The following ADAMTS5 variants were observed in gnomAD, a reference collection of about 807,000 sequenced individuals.
ADAMTS5 encodes A disintegrin and metalloproteinase with thrombospondin motifs 5.
In ADAMTS5, 54 loss-of-function variants were observed where a neutral mutation model predicts 81.4. The ratio of observed to expected loss-of-function variants is 0.66; its 90% confidence interval spans 0.53 to 0.83. ADAMTS5 has a LOEUF of 0.83. Among genes scored for constraint, ADAMTS5 ranks in the 40% least tolerant of loss-of-function variants. The pLI, the probability that ADAMTS5 is intolerant of heterozygous loss-of-function variation, is 0.00. For synonymous variants in ADAMTS5, 532 were observed against 508.8 expected, an observed-to-expected ratio of 1.05 and a Z score of -0.61; for missense variants, 1,194 against 1,229.9, an observed-to-expected ratio of 0.97 and a Z score of 0.44.
chr21:26,924,609 G>C lies in ADAMTS5; in HGVS notation c.2237C>G (p.Thr746Ser). The C allele has an allele frequency of 6.2e-7, 1 of 1,610,416 alleles. No homozygotes were observed. Among genetic ancestry groups the C allele is most frequent in the Non-Finnish European group, 8.5e-7 (1 of 1,177,936 alleles). Residue 746 changes from threonine (T) to serine (S), a missense_variant, in exon 8 of 8, where the codon ACT becomes AGT. Physicochemically the swap from Thr to Ser is moderately conservative, Grantham distance 58 (BLOSUM62 1). This residue lies in a region of ADAMTS5 where 696 missense variants were observed against 817.6 expected (regional missense o/e 0.85). Transcript: ENST00000284987. ...CCCTTCAGGAATCCTCACCACGTCA[G>C]TGTAACCCTTACTGGAAGTAGGAAT... ...GTFNKKSKGY[T>S]DVVRIPEGAT...
At chr21:26,933,963 G>T (rs2123175209) in intron 4 of ADAMTS5, among the ~76,000 whole-genome samples, 1 of 152,236 alleles carries the variant, frequency 6.6e-6, no homozygotes, top group South Asian at 2.1e-4. Flanking sequence ...TGTATATAGT[G>T]GCAGACGTGT....
At chr21:26,942,189 TG>T (rs1047904929) in intron 3 of ADAMTS5, among the ~76,000 whole-genome samples, 18 of 152,234 alleles carry the variant, frequency 1.2e-4, no homozygotes, top group African/African-American at 4.3e-4. Context: ...TTTGACTCCA[TG>T]GTATCAGAGA....
rs764577617 is a variant in ADAMTS5 at position 26,924,441 on chromosome 21, T to C, written c.2405A>G (p.Asn802Ser). The change falls in exon 8 of 8, where the codon AAT becomes AGT. Residue 802 changes from asparagine to serine, a missense_variant. This residue lies in a region of ADAMTS5 where 696 missense variants were observed against 817.6 expected (regional missense o/e 0.85). Coordinates refer to ENST00000284987, the MANE Select transcript of ADAMTS5 (RefSeq NM_007038.5). ...ISTSETIIDINGTVMNYSGWS... is the reference protein window; with the variant it reads ...ISTSETIIDISGTVMNYSGWS... ...ACCGCTATAGTTCATGACTGTTCCATTGATGTCAATGATAGTCTCTGAAGT... is the reference window on the plus strand; with the variant it reads ...ACCGCTATAGTTCATGACTGTTCCACTGATGTCAATGATAGTCTCTGAAGT... 3 of 1,614,200 alleles carry C rather than the reference T, an allele frequency of 1.9e-6. No homozygotes were observed. Among genetic ancestry groups the C allele is most frequent in the Non-Finnish European group, 1.7e-6 (2 of 1,180,022 alleles).
intron 6 of ADAMTS5, among the ~76,000 whole-genome samples, chr21:26,931,022 T>C (rs1462041992): frequency 6.6e-6 from 1 of 152,166 alleles, no homozygotes; most frequent in Non-Finnish European, 1.5e-5. Context: ...CAATAACATA[T>C]TATAAATATC....
chr21:26,963,180 C>A (rs901616432), intron 1 of ADAMTS5, among the ~76,000 whole-genome samples: 1 of 151,752 alleles, frequency 6.6e-6, no homozygotes, highest in Non-Finnish European at 1.5e-5. Flanking sequence ...AAATGCATGT[C>A]CTTATAATAC....
Position 26,919,602 on chromosome 21 carries a change from C to T in ADAMTS5, c.*4451G>A, listed in dbSNP as rs1268565703. The T allele has an allele frequency of 6.6e-6, 1 of 151,940 alleles. No homozygotes were observed. Among genetic ancestry groups the T allele is most frequent in the African/African-American group, 2.4e-5 (1 of 41,378 alleles). 9.4% of individuals were successfully genotyped at this position (151,940 alleles called of 1,614,324 possible). A position where few individuals can be genotyped will look rare whatever the true frequency, so the allele number is the denominator to read the frequency against. On this transcript the variant is annotated 3_prime_UTR_variant, in exon 8 of 8. Transcript: ENST00000284987. ...ACTGAATGTTTTGCTGATCTGAACA[C>T]TACCTGTATTCCAATTTTTTGGCTA... is the stretch of plus-strand genomic sequence containing the variant.
intron 2 of ADAMTS5, among the ~76,000 whole-genome samples, chr21:26,944,266 A>G (rs1955574335): frequency 1.3e-5 from 2 of 152,188 alleles, no homozygotes; most frequent in African/African-American, 4.8e-5. Context: ...TCAAAATACC[A>G]ATAATATGGA....
At position 26,965,597 on chromosome 21, in the gene ADAMTS5, C is replaced by A; in HGVS notation, c.795G>T (p.Arg265=). ...WWRRRRRSIS[R]ARQVELLLVA... ...CCAGAAGCAGCTCCACCTGGCGGGC[C>A]CGGGAGATGGAGCGGCGCCGCCGCC... Residue 265 remains arginine (R), a synonymous_variant, in exon 1 of 8, where the codon CGG becomes CGT. Coordinates refer to ENST00000284987, the MANE Select transcript of ADAMTS5 (RefSeq NM_007038.5). The A allele has an allele frequency of 6.2e-7, 1 of 1,603,930 alleles. No homozygotes were observed. The highest frequency in any genetic ancestry group is 8.5e-7 in the Non-Finnish European group (1 of 1,175,540).
chr21:26,948,754 T>C (rs1330917781), intron 2 of ADAMTS5, among the ~76,000 whole-genome samples: 1 of 152,228 alleles, frequency 6.6e-6, no homozygotes, highest in African/African-American at 2.4e-5. Flanking sequence ...GCTGTGTCAA[T>C]ATCCTTTTGA....
In ADAMTS5 at chr21:26,924,438, C is replaced by T; in HGVS notation, c.2408G>A (p.Gly803Glu). 1.2e-6 allele frequency: 2 copies of T among 1,614,166 alleles called. No individual in the cohort carries two copies. Among genetic ancestry groups the T allele is most frequent in the Non-Finnish European group, 1.7e-6 (2 of 1,180,028 alleles). ...CCAACCGCTATAGTTCATGACTGTT[C>T]CATTGATGTCAATGATAGTCTCTGA... Reference protein sequence around the residue: ...STSETIIDINGTVMNYSGWSH... With the variant: ...STSETIIDINETVMNYSGWSH... The change falls in exon 8 of 8, where the codon GGA (glycine) becomes GAA (glutamate). Residue 803 changes from glycine to glutamate, a missense_variant. By Grantham distance (98) the Gly-to-Glu change is moderately conservative. Transcript: ENST00000284987.
chr21:26,966,231 C>G lies in ADAMTS5; in HGVS notation c.161G>C (p.Arg54Pro). The stretch of plus-strand genomic sequence containing the variant: ...GTGCGGGTGGCCGGGAGGCTCGGCT[C>G]GCTCCTGCACCTCCTCCCCCTGCCG... ...RRRQGEEVQE[R>P]AEPPGHPHPL... Residue 54 changes from arginine (R) to proline (P), a missense_variant, in exon 1 of 8, where the codon CGA becomes CCA. By Grantham distance (103) the Arg-to-Pro change is moderately radical. Around this residue, in one of 2 missense-constraint regions of ADAMTS5, gnomAD observed 498 missense variants for 412.3 expected, o/e 1.21. Transcript: ENST00000284987. 10 of 1,599,380 alleles carry G rather than the reference C, an allele frequency of 6.3e-6. No homozygotes were observed. Among genetic ancestry groups the G allele is most frequent in the Middle Eastern group, 1.7e-4 (1 of 5,958 alleles).
At chr21:26,935,320 C>T (rs139877547) in intron 3 of ADAMTS5, among the ~76,000 whole-genome samples, 1,897 of 152,242 alleles carry the variant, frequency 0.012, 111 homozygotes, top group Admixed American at 0.097. Context: ...AGCATTTGTT[C>T]AGCACCTACA....
chr21:26,965,372 G>T lies in ADAMTS5; in HGVS notation c.1020C>A (p.Asn340Lys). Residue 340 changes from asparagine to lysine, a missense_variant, in exon 1 of 8, where the codon AAC (asparagine) becomes AAA (lysine). Physicochemically the swap from Asn to Lys is moderately conservative, Grantham distance 94. Around this residue, in one of 2 missense-constraint regions of ADAMTS5, gnomAD observed 696 missense variants for 817.6 expected, o/e 0.85. Coordinates refer to ENST00000284987, the MANE Select transcript of ADAMTS5 (RefSeq NM_007038.5). ...VSKNAATTLK[N>K]FCKWQHQHNQ... ...TGTGTTGGTGCTGCCACTTGCAAAA[G>T]TTCTTGAGTGTGGTGGCAGCGTTCT... 4 of 1,614,258 alleles carry T rather than the reference G, an allele frequency of 2.5e-6. No individual in the cohort carries two copies. Among genetic ancestry groups the T allele is most frequent in the Non-Finnish European group, 3.4e-6 (4 of 1,180,048 alleles).
intron 3 of ADAMTS5, among the ~76,000 whole-genome samples, chr21:26,938,720 A>G (rs151057): frequency 0.52 from 79,665 of 151,952 alleles, 21,971 homozygotes; most frequent in Non-Finnish European, 0.63. Context: ...AGTAGAGACT[A>G]TGTTTCGCCG....
chr21:26,930,192 A>AG, intron 6 of ADAMTS5, 131 bp from the exon 7 acceptor site: 2 of 863,724 alleles, frequency 2.3e-6, no homozygotes, highest in Non-Finnish European at 3.4e-6. Flanking sequence ...AAAAAAAAAA[A>AG]GCCAAAAAAA....
chr21:26,934,016 A>G (rs933526185), intron 4 of ADAMTS5, among the ~76,000 whole-genome samples: 4 of 152,152 alleles, frequency 2.6e-5, no homozygotes, highest in African/African-American at 9.7e-5. Flanking sequence ...CTAAATTTAG[A>G]TTAACTTATT....
In ADAMTS5 at chr21:26,965,692, G is replaced by T. The variant is rs1195820166; in HGVS notation, c.700C>A (p.Leu234Met). The T allele has an allele frequency of 1.3e-6, 2 of 1,582,466 alleles. No individual in the cohort carries two copies. Among genetic ancestry groups the T allele is most frequent in the Non-Finnish European group, 1.7e-6 (2 of 1,166,656 alleles). The change falls in exon 1 of 8, where the codon CTG (leucine) becomes ATG (methionine). Residue 234 changes from leucine (L) to methionine (M), a missense_variant. Around this residue, in one of 2 missense-constraint regions of ADAMTS5, gnomAD observed 498 missense variants for 412.3 expected, o/e 1.21. Transcript: ENST00000284987. Reference protein sequence around the residue: ...AHSNPSGRAALASQLLDQSAL... With the variant: ...AHSNPSGRAAMASQLLDQSAL... ...GACTGGTCCAAGAGCTGCGAGGCCAGTGCTGCGCGTCCGCTCGGGTTGCTG... is the reference window on the plus strand; with the variant it reads ...GACTGGTCCAAGAGCTGCGAGGCCATTGCTGCGCGTCCGCTCGGGTTGCTG...
intron 3 of ADAMTS5, 119 bp from the exon 4 acceptor site, chr21:26,934,868 T>G: frequency 7.5e-7 from 1 of 1,329,718 alleles, no homozygotes; most frequent in Non-Finnish European, 1.0e-6. Context: ...CATGAATCTG[T>G]AGTGTAATGC....
At position 26,966,516 on chromosome 21, in the gene ADAMTS5, T is replaced by C. The variant is rs1158466949; in HGVS notation, c.-125A>G. On this transcript the variant is annotated 5_prime_UTR_variant, in exon 1 of 8. Transcript: ENST00000284987. ...CTTGCTTGCAGGATTGAGTCAAGTG[T>C]CGGAGGGAGGGGGGCCCGGCAGCAG... 41 of 924,644 alleles carry C rather than the reference T, an allele frequency of 4.4e-5. No individual in the cohort carries two copies. The highest frequency in any genetic ancestry group is 5.5e-5 in the Non-Finnish European group (38 of 693,210). The allele number at this position is 924,644 out of a possible 1,614,324, so 57.3% of individuals were successfully genotyped here. A position where few individuals can be genotyped will look rare whatever the true frequency, so the allele number is the denominator to read the frequency against.
Sources: gnomAD v4.1 joint callset for allele counts (sites outside exome capture counted in the v4.1 genomes callset) on GRCh38, gnomAD v4.1.1 for gene constraint, gnomAD v4.1.1 regional missense constraint, MANE v1.5 for transcripts, NCBI Gene and HGNC (gene_info 2026-07-23, HGNC 2026-07-21) for gene names.